MXRA8: variants seen among roughly 807,000 people sequenced by gnomAD.
MXRA8 encodes matrix remodeling associated 8.
MXRA8 carries 44 observed loss-of-function variants against 51.4 expected under a neutral mutation model. The observed-to-expected ratio is 0.86, with a 90% CI of 0.67 to 1.10. The LOEUF is 1.10. MXRA8 is among the 50% of genes least tolerant of loss of function. The probability of loss-of-function intolerance (pLI) is 0.00; values close to 1 mark genes in which losing one functional copy is unlikely to be tolerated. For synonymous variants in MXRA8, 369 were observed against 293.5 expected, an observed-to-expected ratio of 1.26 and a Z score of -2.63; for missense variants, 765 against 638.9, an observed-to-expected ratio of 1.20 and a Z score of -2.13.
At chr1:1,359,469 C>T (rs746476120), upstream of MXRA8, 37 of 985,356 alleles carry the variant, frequency 3.8e-5, no homozygotes, top group Non-Finnish European at 3.7e-5. Context: ...TCTGAACAAC[C>T]ACAACCACTA....
At chr1:1,361,490 C>T (rs911690241), upstream of MXRA8, 1 of 579,724 alleles carries the variant, frequency 1.7e-6, no homozygotes, top group African/African-American at 1.9e-5. Flanking sequence ...AGGAAGCAAC[C>T]TCTGTGACAG....
In MXRA8 at chr1:1,355,506, C is replaced by A; in HGVS notation, c.320G>T (p.Arg107Leu). 6.6e-7 allele frequency: 1 copy of A among 1,507,208 alleles called. No individual in the cohort carries two copies. Among genetic ancestry groups the A allele is most frequent in the Non-Finnish European group, 8.8e-7 (1 of 1,139,352 alleles). 93.4% of individuals were successfully genotyped at this position (1,507,208 alleles called of 1,614,324 possible). The change falls in exon 3 of 10, where the codon CGC becomes CTC. Residue 107 changes from arginine (R) to leucine (L), a missense_variant. Transcript: ENST00000309212. The part of the protein sequence containing the change: ...QRVYEARDRG[R>L]LELSASAFDD... ...GAAGGCCGAGGCCGAGAGCTCCAGGCGGCCGCGGTCCCGCGCCTCGTACAC... is the reference window on the plus strand; with the variant it reads ...GAAGGCCGAGGCCGAGAGCTCCAGGAGGCCGCGGTCCCGCGCCTCGTACAC...
At chr1:1,353,982 C>G (rs546277123) in intron 8 of MXRA8, 48 bp downstream of exon 8, 3 of 1,493,318 alleles carry the variant, frequency 2.0e-6, no homozygotes, top group East Asian at 2.4e-5. Flanking sequence ...CTTCCCAGCC[C>G]GGGACTGGGA....
At chr1:1,356,105 G>C (rs1206159254) in intron 2 of MXRA8, among the ~76,000 whole-genome samples, 2 of 99,468 alleles carry the variant, frequency 2.0e-5, no homozygotes, top group Non-Finnish European at 4.3e-5. Flanking sequence ...CTTTGGGGGG[G>C]TGTGGGCCCC....
chr1:1,358,325 G>A lies in MXRA8; in HGVS notation c.49+131C>T. The A allele has an allele frequency of 2.7e-5, 29 of 1,067,378 alleles. 1 individual carries two copies. The highest frequency in any genetic ancestry group is 3.5e-5 in the Non-Finnish European group (27 of 761,806). The allele number at this position is 1,067,378 out of a possible 1,614,324, so 66.1% of individuals were successfully genotyped here. The stretch of plus-strand genomic sequence containing the variant: ...CAAGCGGCTCTCCCGAGCGCCCCCA[G>A]ACCCGTCCTCTTCCCTGGTGGGACC... On this transcript the variant is annotated intron_variant, in intron 1 of 9. Transcript: ENST00000309212.
Position 1,353,207 on chromosome 1 carries a change from G to T in MXRA8, c.*397C>A, listed in dbSNP as rs182470910. On this transcript the variant is annotated 3_prime_UTR_variant, in exon 10 of 10. Coordinates refer to ENST00000309212, the MANE Select transcript of MXRA8 (RefSeq NM_032348.4). ...CCAGGAACATCTCCCAGCCCCCGAC[G>T]AGCAGAGCCCTGGAGGAGTGGGACT... is the stretch of plus-strand genomic sequence containing the variant. 10 of 1,271,916 alleles carry T rather than the reference G, an allele frequency of 7.9e-6. No homozygotes were observed. Among genetic ancestry groups the T allele is most frequent in the African/African-American group, 3.0e-5 (2 of 67,526 alleles). The allele number at this position is 1,271,916 out of a possible 1,614,324, so 78.8% of individuals were successfully genotyped here. A position where few individuals can be genotyped will look rare whatever the true frequency, so the allele number is the denominator to read the frequency against.
At chr1:1,362,468 TA>T (rs111301087), upstream of MXRA8, among the ~76,000 whole-genome samples, 1,074 of 149,098 alleles carry the variant, frequency 7.2e-3, 9 homozygotes, top group Middle Eastern at 0.014. Flanking sequence ...CCACCTTCTG[TA>T]ATTTTTTTTT....
upstream of MXRA8, chr1:1,361,333 G>C (rs1002357556): frequency 1.0e-5 from 7 of 702,782 alleles, no homozygotes; most frequent in Admixed American, 6.0e-5. Flanking sequence ...TGCCAGGCTT[G>C]CTGGGCACTG....
intron 5 of MXRA8, 83 bp from the exon 6 acceptor site, chr1:1,354,592 C>G: frequency 6.4e-7 from 1 of 1,557,054 alleles, no homozygotes; most frequent in Non-Finnish European, 8.7e-7. Context: ...CGCTGGGATC[C>G]GCGGGCCTCG....
intron 2 of MXRA8, 99 bp downstream of exon 2, chr1:1,356,582 G>C: frequency 2.5e-6 from 2 of 806,468 alleles, no homozygotes. Context: ...GAATCAGTGG[G>C]GGAGGGGCAG....
upstream of MXRA8, chr1:1,358,701 G>A (rs897012433): frequency 1.6e-5 from 22 of 1,392,530 alleles, no homozygotes; most frequent in Middle Eastern, 1.3e-3. Context: ...GCTGGGGAGG[G>A]GCAGTGTGGG....
Position 1,355,665 on chromosome 1 carries a change from C to T in MXRA8, c.161G>A (p.Cys54Tyr). ...GGTCCACACCATGCGCGGGCTCTGG[C>T]AGCGCAGCACCGCCCGGGCGCCCGC... ...WEAGARAVLR[C>Y]QSPRMVWTQD... Residue 54 changes from cysteine (C) to tyrosine (Y), a missense_variant, in exon 3 of 10, where the codon TGC becomes TAC. Cys to Tyr is a radical substitution (Grantham distance 194, BLOSUM62 -2). Coordinates refer to ENST00000309212, the MANE Select transcript of MXRA8 (RefSeq NM_032348.4). 1.4e-6 allele frequency: 2 copies of T among 1,383,082 alleles called. No individual in the cohort carries two copies. The highest frequency in any genetic ancestry group is 1.9e-6 in the Non-Finnish European group (2 of 1,074,520). 85.7% of individuals were successfully genotyped at this position (1,383,082 alleles called of 1,614,324 possible). A position where few individuals can be genotyped will look rare whatever the true frequency, so the allele number is the denominator to read the frequency against.
chr1:1,359,579 C>T (rs1644194166), upstream of MXRA8: 1 of 985,202 alleles, frequency 1.0e-6, no homozygotes, highest in Non-Finnish European at 1.2e-6. Context: ...CTGAACCCTG[C>T]TCTGGTGCCC....
intron 2 of MXRA8, 23 bp downstream of exon 2, chr1:1,356,658 C>T: frequency 7.8e-7 from 1 of 1,284,144 alleles, no homozygotes. Context: ...TGGGGGTGGG[C>T]AGCTGGGGCT....
chr1:1,353,089 C>T lies in MXRA8; in HGVS notation c.*515G>A, dbSNP rs1644035491. The T allele has an allele frequency of 1.6e-6, 1 of 643,644 alleles. No homozygotes were observed. The allele number at this position is 643,644 out of a possible 1,614,324, so 39.9% of individuals were successfully genotyped here. A position where few individuals can be genotyped will look rare whatever the true frequency, so the allele number is the denominator to read the frequency against. ...ACATGGTGGTACAGGTGGGGGAGCT[C>T]TCGGTGGCAGGCAGCACCCCAGGAG... On this transcript the variant is annotated 3_prime_UTR_variant, in exon 10 of 10. Coordinates refer to ENST00000309212, the MANE Select transcript of MXRA8 (RefSeq NM_032348.4).
At chr1:1,358,700 G>A (rs531868677), upstream of MXRA8, 16 of 1,391,966 alleles carry the variant, frequency 1.1e-5, no homozygotes, top group African/African-American at 2.1e-4. Flanking sequence ...TGCTGGGGAG[G>A]GGCAGTGTGG....
chr1:1,355,534 G>A lies in MXRA8; in HGVS notation c.292C>T (p.Arg98Cys). Reference protein sequence around the residue: ...LLDLYSAGEQRVYEARDRGRL... With the variant: ...LLDLYSAGEQCVYEARDRGRL... ...CCGCGGTCCCGCGCCTCGTACACGC[G>A]CTGCTCGCCCGCCGAGTACAAGTCC... Residue 98 changes from arginine to cysteine, a missense_variant, in exon 3 of 10, where the codon CGC becomes TGC. Physicochemically the swap from Arg to Cys is radical, Grantham distance 180. Transcript: ENST00000309212. The A allele has an allele frequency of 6.7e-7, 1 of 1,494,074 alleles. No individual in the cohort carries two copies. Among genetic ancestry groups the A allele is most frequent in the Non-Finnish European group, 8.8e-7 (1 of 1,131,706 alleles). The allele number at this position is 1,494,074 out of a possible 1,614,324, so 92.6% of individuals were successfully genotyped here.
Position 1,354,009 on chromosome 1 carries a change from C to T in MXRA8, c.1222+21G>A, listed in dbSNP as rs751434919. On this transcript the variant is annotated intron_variant, in intron 8 of 9. Transcript: ENST00000309212. ...GGACTGGGAGCCGCGCCTGTGCCCTCGTGTCCCAGCACTGCCTCACCTAGC... is the reference window on the plus strand; with the variant it reads ...GGACTGGGAGCCGCGCCTGTGCCCTTGTGTCCCAGCACTGCCTCACCTAGC... 1.4e-5 allele frequency: 23 copies of T among 1,612,014 alleles called. No homozygotes were observed. In the Admixed American group the frequency reaches 2.7e-4, roughly 19 times the overall value.
Position 1,353,323 on chromosome 1 carries a change from C to G in MXRA8, c.*281G>C. The G allele has an allele frequency of 1.3e-6, 2 of 1,549,898 alleles. No individual in the cohort carries two copies. Among genetic ancestry groups the G allele is most frequent in the Non-Finnish European group, 1.7e-6 (2 of 1,146,754 alleles). ...TCTTCAGGCCCCCAGCGGGCAGAGC[C>G]CAGAAGGGTCTGAGGGCATGATGGG... On this transcript the variant is annotated 3_prime_UTR_variant, in exon 10 of 10. Transcript: ENST00000309212.
Sources: gnomAD v4.1 joint callset for allele counts (sites outside exome capture counted in the v4.1 genomes callset) on GRCh38, gnomAD v4.1.1 for gene constraint, MANE v1.5 for transcripts, NCBI Gene and HGNC (gene_info 2026-07-23, HGNC 2026-07-21) for gene names.